The following ADAM33 variants were observed in gnomAD, a reference collection of about 807,000 sequenced individuals.
The protein encoded by ADAM33 is ADAM metallopeptidase domain 33.
In ADAM33, 103 loss-of-function variants were observed where a neutral mutation model predicts 106.2. The ratio of observed to expected loss-of-function variants is 0.97; its 90% CI spans 0.83 to 1.14. The LOEUF (loss-of-function observed/expected upper bound fraction) is 1.14, where lower values mean the gene tolerates loss of function less well. Ranked by LOEUF, ADAM33 falls within the 50% of genes most tolerant of loss-of-function variation. The pLI is 0.00. For missense variants in ADAM33, 1,120 were observed against 1,096.6 expected, an observed-to-expected ratio of 1.02 and a Z score of -0.30; for synonymous variants, 483 against 453.0, an observed-to-expected ratio of 1.07 and a Z score of -0.84.
chr20:3,673,403 C>G lies in ADAM33; in HGVS notation c.1084G>C (p.Val362Leu), dbSNP rs538914874. Reference protein sequence around the residue: ...GLSHDPDGCCVEAAAESGGCV... With the variant: ...GLSHDPDGCCLEAAAESGGCV... ...CCTCCGGACTCGGCCGCAGCCTCCACGCAGCAGCCGTCGGGGTCGTGGCTG... is the reference window on the plus strand; with the variant it reads ...CCTCCGGACTCGGCCGCAGCCTCCAGGCAGCAGCCGTCGGGGTCGTGGCTG... Residue 362 changes from valine (V) to leucine (L), a missense_variant, in exon 11 of 22, where the codon GTG becomes CTG. Coordinates refer to ENST00000356518, the MANE Select transcript of ADAM33 (RefSeq NM_025220.5). 2 of 1,554,276 alleles carry G rather than the reference C, an allele frequency of 1.3e-6. No individual in the cohort carries two copies. Among genetic ancestry groups the G allele is most frequent in the Non-Finnish European group, 1.7e-6 (2 of 1,156,976 alleles).
Position 3,672,730 on chromosome 20 carries a change from G to T in ADAM33, c.1302C>A (p.Gly434=). ...FVEAGEECDC[G]PGQECRDLCC... ...GGCGAGCCGACTTAACCTGGCCAGG[G>T]CCGCAGTCACACTCCTCGCCCGCTT... Residue 434 remains glycine (G), a synonymous_variant, in exon 12 of 22, where the codon GGC becomes GGA. Coordinates refer to ENST00000356518, the MANE Select transcript of ADAM33 (RefSeq NM_025220.5). 6.3e-7 allele frequency: 1 copy of T among 1,576,618 alleles called. No individual in the cohort carries two copies. The highest frequency in any genetic ancestry group is 8.6e-7 in the Non-Finnish European group (1 of 1,160,534).
chr20:3,672,985 A>G, intron 11 of ADAM33, 87 bp from the exon 12 acceptor site: 1 of 1,443,960 alleles, frequency 6.9e-7, no homozygotes, highest in African/African-American at 1.4e-5. Flanking sequence ...GCTTGGCTAC[A>G]GCCGCCAGAC....
At position 3,674,503 on chromosome 20, in the gene ADAM33, C is replaced by T. The variant is rs1475066334; in HGVS notation, c.600+1G>A. ...ACTCCCATCCGATCGATGCCCCTGA[C>T]CCTGCTCTGGGGACCACCAGGAAGG... On this transcript the variant is annotated splice_donor_variant, in intron 6 of 21. Transcript: ENST00000356518. LOFTEE classifies it high-confidence loss of function. The T allele has an allele frequency of 6.2e-7, 1 of 1,613,002 alleles. No homozygotes were observed.
In ADAM33 at chr20:3,671,161, G is replaced by T; in HGVS notation, c.2093-8C>A. The T allele has an allele frequency of 6.2e-7, 1 of 1,613,252 alleles. No homozygotes were observed. Among genetic ancestry groups the T allele is most frequent in the Non-Finnish European group, 8.5e-7 (1 of 1,179,668 alleles). ...GCAGGAAGGTGTCATGGTCTGCGGGGATTGGGGGAAGGGGCGCTGAGTCCT... is the reference window on the plus strand; with the variant it reads ...GCAGGAAGGTGTCATGGTCTGCGGGTATTGGGGGAAGGGGCGCTGAGTCCT... On this transcript the variant is annotated splice_polypyrimidine_tract_variant and splice_region_variant and intron_variant, in intron 18 of 21. Coordinates refer to ENST00000356518, the MANE Select transcript of ADAM33 (RefSeq NM_025220.5).
rs1041414046 is a variant in ADAM33, at chr20:3,668,624, C to T, written c.*339G>A. The T allele has an allele frequency of 8.9e-5, 33 of 369,278 alleles. No homozygotes were observed. Among genetic ancestry groups the T allele is most frequent in the African/African-American group, 6.8e-4 (33 of 48,536 alleles). The allele number at this position is 369,278 out of a possible 1,614,324, so 22.9% of individuals were successfully genotyped here. ...CCGTGGAAATTGCATGTAGGAGACA[C>T]ACCAGACTCCCAGGACAGAGCCCTT... On this transcript the variant is annotated 3_prime_UTR_variant, in exon 22 of 22. Coordinates refer to ENST00000356518, the MANE Select transcript of ADAM33 (RefSeq NM_025220.5).
chr20:3,680,816 C>G (rs1034316096), intron 1 of ADAM33, among the ~76,000 whole-genome samples: 2 of 152,154 alleles, frequency 1.3e-5, no homozygotes, highest in Non-Finnish European at 2.9e-5. Flanking sequence ...TGGCCTTGCG[C>G]GCACGTGCTG....
At chr20:3,673,135 A>G (rs2087669265) in intron 11 of ADAM33, 1 of 1,477,390 alleles carries the variant, frequency 6.8e-7, no homozygotes, top group African/African-American at 1.4e-5. Flanking sequence ...GTGTAGGAGT[A>G]ACCTCGCCAG....
rs2087782143 is a variant in ADAM33, at chr20:3,674,234, C to G, written c.651G>C (p.Val217=). The change falls in exon 7 of 22, where the codon GTG becomes GTC. Residue 217 remains valine (V), a synonymous_variant. Transcript: ENST00000356518. ...RTRKYLELYI[V]ADHTLFLTRH... The stretch of plus-strand genomic sequence containing the variant: ...CTCTCCTCACCAGGGTGTGGTCTGC[C>G]ACAATGTACAGTTCCAGGTACTTCC... 6.2e-7 allele frequency: 1 copy of G among 1,613,966 alleles called. No homozygotes were observed. Among genetic ancestry groups the G allele is most frequent in the Admixed American group, 1.7e-5 (1 of 60,008 alleles).
intron 2 of ADAM33, among the ~76,000 whole-genome samples, chr20:3,677,642 G>T (rs2088091414): frequency 6.6e-6 from 1 of 152,134 alleles, no homozygotes; most frequent in South Asian, 2.1e-4. Context: ...TCCAATTTTG[G>T]CAAACTGCTC....
chr20:3,677,043 G>A (rs373567455), intron 3 of ADAM33, 24 bp downstream of exon 3: 15 of 1,610,602 alleles, frequency 9.3e-6, no homozygotes, highest in Non-Finnish European at 1.2e-5. Context: ...CCTCCTCCCA[G>A]CCCTACCCCA....
chr20:3,671,191 A>T, intron 18 of ADAM33, 38 bp from the exon 19 acceptor site: 1 of 1,612,766 alleles, frequency 6.2e-7, no homozygotes. Context: ...AGTCCTGAGC[A>T]GGTGCACCAC....
intron 7 of ADAM33, 36 bp downstream of exon 7, chr20:3,674,182 AT>A: frequency 6.2e-7 from 1 of 1,614,046 alleles, no homozygotes; most frequent in Non-Finnish European, 8.5e-7. Context: ...AGCTGGCCCC[AT>A]CCCTGACCCC....
chr20:3,671,997 T>C lies in ADAM33; in HGVS notation c.1598-12A>G, dbSNP rs772490837. The C allele has an allele frequency of 9.7e-6, 15 of 1,553,470 alleles. No individual in the cohort carries two copies. The South Asian group carries it at 1.2e-4, about 12-fold the overall frequency. The stretch of plus-strand genomic sequence containing the variant: ...AGCTGGGTGGGAGCCTGAGGAAGCA[T>C]GGGCCAGGCTGGGGGCAGCTCGGAG... On this transcript the variant is annotated splice_polypyrimidine_tract_variant and intron_variant, in intron 14 of 21. Transcript: ENST00000356518.
At position 3,677,026 on chromosome 20, in the gene ADAM33, C is replaced by G. The variant is rs746361819; in HGVS notation, c.254+41G>C. ...CTGTGTCAGTCCCTGCCCCCCAACA[C>G]TGATCCCCTCCTCCCAGCCCTACCC... On this transcript the variant is annotated intron_variant, in intron 3 of 21. Coordinates refer to ENST00000356518, the MANE Select transcript of ADAM33 (RefSeq NM_025220.5). The G allele has an allele frequency of 1.0e-5, 16 of 1,603,402 alleles. 1 individual carries two copies. The highest frequency in any genetic ancestry group is 5.5e-5 in the South Asian group (5 of 90,772).
rs139575433 is a variant in ADAM33 at position 3,672,548 on chromosome 20, C to A, written c.1390G>T (p.Val464Leu). 2 of 1,613,332 alleles carry A rather than the reference C, an allele frequency of 1.2e-6. No homozygotes were observed. Among genetic ancestry groups the A allele is most frequent in the Admixed American group, 1.7e-5 (1 of 60,010 alleles). Residue 464 changes from valine (V) to leucine (L), a missense_variant, in exon 13 of 22, where the codon GTG (valine) becomes TTG (leucine). Transcript: ENST00000356518. ...GAQCAHGDCC[V>L]RCLLKPAGAL... ...TTCCATGCCCTCACCAGGCAGCGCACGCAGCAGTCCCCGTGGGCGCACTGG... is the reference window on the plus strand; with the variant it reads ...TTCCATGCCCTCACCAGGCAGCGCAAGCAGCAGTCCCCGTGGGCGCACTGG...
intron 1 of ADAM33, among the ~76,000 whole-genome samples, chr20:3,680,616 T>C (rs1221223272): frequency 6.6e-6 from 1 of 152,006 alleles, no homozygotes; most frequent in Non-Finnish European, 1.5e-5. Flanking sequence ...GAGGGGCCAG[T>C]GCAGGGAGGG....
At position 3,672,614 on chromosome 20, in the gene ADAM33, G is replaced by C; in HGVS notation, c.1324C>G (p.Leu442Val). 6.2e-7 allele frequency: 1 copy of C among 1,613,502 alleles called. No individual in the cohort carries two copies. The highest frequency in any genetic ancestry group is 1.1e-5 in the South Asian group (1 of 91,080). The change falls in exon 13 of 22, where the codon CTC becomes GTC. Residue 442 changes from leucine (L) to valine (V), a missense_variant. Coordinates refer to ENST00000356518, the MANE Select transcript of ADAM33 (RefSeq NM_025220.5). ...DCGPGQECRD[L>V]CCFAHNCSLR... The stretch of plus-strand genomic sequence containing the variant: ...GAGCAGTTGTGAGCAAAGCAGCAGA[G>C]GTCGCGGCACTCCTGGGACCAGAAA...
chr20:3,672,263 C>A lies in ADAM33; in HGVS notation c.1468G>T (p.Gly490Cys). Reference protein sequence around the residue: ...GDCDLPEFCTGTSSHCPPDVY... With the variant: ...GDCDLPEFCTCTSSHCPPDVY... Reference sequence around the variant, plus strand: ...TCTGGGGGACAGTGGGAGGAGGTGCCCGTGCAAAACTCAGGGAGGTCACAG... The same window carrying A: ...TCTGGGGGACAGTGGGAGGAGGTGCACGTGCAAAACTCAGGGAGGTCACAG... The change falls in exon 14 of 22, where the codon GGC (glycine) becomes TGC (cysteine). Residue 490 changes from glycine to cysteine, a missense_variant. Transcript: ENST00000356518. 6.2e-7 allele frequency: 1 copy of A among 1,613,370 alleles called. No homozygotes were observed. Among genetic ancestry groups the A allele is most frequent in the Non-Finnish European group, 8.5e-7 (1 of 1,180,016 alleles).
chr20:3,671,359 AAGAGG>A lies in ADAM33; in HGVS notation c.1984-19_1984-15del, dbSNP rs747315899. 1 of 1,612,748 alleles carries A rather than the reference AAGAGG, an allele frequency of 6.2e-7. No individual in the cohort carries two copies. Among genetic ancestry groups the A allele is most frequent in the South Asian group, 1.1e-5 (1 of 91,062 alleles). On this transcript the variant is annotated splice_polypyrimidine_tract_variant and intron_variant, in intron 17 of 21. Transcript: ENST00000356518. ...GCTATTGCAAACCTGCAGAGAAGAG[AAGAGG>A]AGGGTCACGTAGGATTAGGAACCCC...
Sources: gnomAD v4.1 joint callset for allele counts (sites outside exome capture counted in the v4.1 genomes callset) on GRCh38, gnomAD v4.1.1 for gene constraint, MANE v1.5 for transcripts, NCBI Gene and HGNC (gene_info 2026-07-23, HGNC 2026-07-21) for gene names.